The following GRID2 variants were observed in gnomAD, a reference collection of about 807,000 sequenced individuals.
The protein encoded by GRID2 is glutamate ionotropic receptor delta type subunit 2, also known as glutamate receptor ionotropic, delta-2.
In GRID2, 33 loss-of-function variants were observed where a neutral mutation model predicts 114.8. The ratio of observed to expected loss-of-function variants is 0.29; its 90% CI spans 0.22 to 0.38. GRID2 has a LOEUF of 0.38. Among genes scored for constraint, GRID2 ranks in the 10% least tolerant of loss-of-function variants. The probability of loss-of-function intolerance (pLI) is 1.00; values close to 1 mark genes in which losing one functional copy is unlikely to be tolerated. For missense variants in GRID2, 1,184 were observed against 1,257.7 expected (o/e 0.94, Z 0.89); for synonymous variants, 505 against 449.9 (o/e 1.12, Z -1.55).
intron 4 of GRID2, among the ~76,000 whole-genome samples, chr4:93,139,891 A>C (rs2149385004): frequency 6.6e-6 from 1 of 152,312 alleles, no homozygotes; most frequent in Middle Eastern, 3.4e-3. Flanking sequence ...AAATGAAAGT[A>C]TATAAAATAT....
chr4:93,364,353 G>A (rs1051825979), intron 8 of GRID2, among the ~76,000 whole-genome samples: 10 of 152,018 alleles, frequency 6.6e-5, no homozygotes, highest in Non-Finnish European at 1.2e-4. Context: ...GTGACTTAGT[G>A]AGCTCTTTTA....
intron 14 of GRID2, among the ~76,000 whole-genome samples, chr4:93,692,109 G>A (rs74760185): frequency 0.041 from 6,242 of 152,140 alleles, 198 homozygotes; most frequent in African/African-American, 0.081. Context: ...GCGGGGCGGG[G>A]AAGCAGTGAA....
chr4:92,926,381 ATCAG>A (rs1749809564), intron 2 of GRID2, among the ~76,000 whole-genome samples: 1 of 152,010 alleles, frequency 6.6e-6, no homozygotes, highest in Non-Finnish European at 1.5e-5. Flanking sequence ...TGTTGTGTGA[ATCAG>A]TATGTACAAT....
rs570470437 is a variant in GRID2, at chr4:93,616,816, C to T, written c.2194-9453C>T. ...GACCATCCTGGCTAACATAGTGAAA[C>T]CCCATCTCTACTAAACAAAATACAA... On this transcript the variant is annotated intron_variant, in intron 13 of 15. Coordinates refer to ENST00000282020, the MANE Select transcript of GRID2 (RefSeq NM_001510.4). 1.8e-4 allele frequency among the ~76,000 whole-genome samples: 27 copies of T among 151,342 alleles called. No individual in the cohort carries two copies. The South Asian group carries it at 5.0e-3, about 28-fold the overall frequency.
intron 1 of GRID2, among the ~76,000 whole-genome samples, chr4:93,791,746 A>G (rs1357640402): frequency 1.3e-5 from 2 of 152,164 alleles, no homozygotes; most frequent in Non-Finnish European, 2.9e-5. Flanking sequence ...CTCCTCCTCT[A>G]GTACAGACTG....
chr4:93,167,198 TTG>T (rs1738334947), intron 4 of GRID2, among the ~76,000 whole-genome samples: 2 of 152,124 alleles, frequency 1.3e-5, no homozygotes, highest in South Asian at 2.1e-4. Context: ...TTAAAAGAAA[TTG>T]TGTCTTTTTG....
At chr4:92,349,460 AGGG>A (rs1727952249) in intron 1 of GRID2, among the ~76,000 whole-genome samples, 1 of 151,836 alleles carries the variant, frequency 6.6e-6, no homozygotes, top group Non-Finnish European at 1.5e-5. Context: ...AAAGTGTGCA[AGGG>A]GAAATTAATT....
intron 8 of GRID2, among the ~76,000 whole-genome samples, chr4:93,383,660 A>C (rs183338560): frequency 6.6e-6 from 1 of 152,132 alleles, no homozygotes; most frequent in Admixed American, 6.6e-5. Context: ...CTGTAATTCT[A>C]ATTTTTGTTG....
At chr4:92,892,795 T>A (rs1051999376) in intron 2 of GRID2, among the ~76,000 whole-genome samples, 1 of 152,214 alleles carries the variant, frequency 6.6e-6, no homozygotes. Context: ...TGCCAAATGA[T>A]CTACTCTTCT....
intron 8 of GRID2, among the ~76,000 whole-genome samples, chr4:93,331,367 C>T (rs188732731): frequency 1.3e-5 from 2 of 151,988 alleles, no homozygotes; most frequent in East Asian, 1.9e-4. Flanking sequence ...AGTCTTTGCT[C>T]AATTATTACA....
At position 92,304,665 on chromosome 4, in the gene GRID2, T is replaced by G. The variant is rs1476114313; in HGVS notation, c.9T>G (p.Val3=). The G allele has an allele frequency of 1.9e-6, 3 of 1,612,398 alleles. No individual in the cohort carries two copies. The highest frequency in any genetic ancestry group is 2.5e-6 in the Non-Finnish European group (3 of 1,178,574). The change falls in exon 1 of 16, where the codon GTT becomes GTG. Residue 3 remains valine (V), a synonymous_variant. Transcript: ENST00000282020. ME[V]FPFLLVLSVW... is the part of the protein sequence containing the mutation. ...AATCGGCATAGGAGGAGATGGAAGTTTTCCCCTTTCTCTTGGTTTTGTCCG... is the reference window on the plus strand; with the variant it reads ...AATCGGCATAGGAGGAGATGGAAGTGTTCCCCTTTCTCTTGGTTTTGTCCG...
chr4:93,120,553 CA>C (rs1331143165), intron 4 of GRID2, among the ~76,000 whole-genome samples: 1 of 152,138 alleles, frequency 6.6e-6, no homozygotes, highest in African/African-American at 2.4e-5. Flanking sequence ...AATGAGCACA[CA>C]TGGGCACAGG....
At chr4:92,537,784 G>GGGGTGTGT (rs560095688) in intron 1 of GRID2, among the ~76,000 whole-genome samples, 1 of 125,934 alleles carries the variant, frequency 7.9e-6, no homozygotes, top group African/African-American at 2.8e-5. Context: ...AAAAACTTGC[G>GGGGTGTGT]GTGTGTGTGT....
chr4:92,908,379 A>C (rs977088008), intron 2 of GRID2, among the ~76,000 whole-genome samples: 1 of 152,142 alleles, frequency 6.6e-6, no homozygotes, highest in African/African-American at 2.4e-5. Flanking sequence ...ATAGAAGTAA[A>C]AATTAGAGTT....
chr4:92,794,153 A>G lies in GRID2; in HGVS notation c.244+203867A>G, dbSNP rs77908998. On this transcript the variant is annotated intron_variant, in intron 2 of 15. Transcript: ENST00000282020. ...ATTTTTTTGAGTCAGAGTTCTTACT[A>G]TCAGCCAGGCTACAATCCAGTGGCA... Among the ~76,000 whole-genome samples, 3 of 151,928 alleles carry G rather than the reference A, an allele frequency of 2.0e-5. No homozygotes were observed. The East Asian group carries it at 5.9e-4, about 30-fold the overall frequency.
chr4:92,489,586 C>T (rs1389746640), intron 1 of GRID2, among the ~76,000 whole-genome samples: 1 of 152,156 alleles, frequency 6.6e-6, no homozygotes, highest in African/African-American at 2.4e-5. Flanking sequence ...TGGCTCACTC[C>T]TGTAATCCCA....
At chr4:93,636,230 G>C (rs1016815911) in intron 14 of GRID2, among the ~76,000 whole-genome samples, 5 of 152,114 alleles carry the variant, frequency 3.3e-5, no homozygotes, top group Non-Finnish European at 7.4e-5. Flanking sequence ...TTTTCAAGCA[G>C]CAAGTCTGAT....
At chr4:93,296,046 C>T (rs1754274966) in intron 8 of GRID2, among the ~76,000 whole-genome samples, 1 of 152,122 alleles carries the variant, frequency 6.6e-6, no homozygotes, top group African/African-American at 2.4e-5. Flanking sequence ...GATATGTATG[C>T]TTTCACAGTT....
At chr4:92,951,567 G>A (rs1752042842) in intron 2 of GRID2, among the ~76,000 whole-genome samples, 1 of 151,830 alleles carries the variant, frequency 6.6e-6, no homozygotes, top group Non-Finnish European at 1.5e-5. Context: ...GGTCTCAAGC[G>A]ATGCACCCTG....
Sources: gnomAD v4.1 joint callset for allele counts (sites outside exome capture counted in the v4.1 genomes callset) on GRCh38, gnomAD v4.1.1 for gene constraint, MANE v1.5 for transcripts, NCBI Gene and HGNC (gene_info 2026-07-23, HGNC 2026-07-21) for gene names.